The following ADCY2 variants were observed in gnomAD, a reference collection of about 807,000 sequenced individuals.
ADCY2 encodes the protein adenylate cyclase 2.
ADCY2 carries 31 observed loss-of-function variants against 125.2 expected under a neutral mutation model. The ratio of observed to expected loss-of-function variants is 0.25; its 90% CI spans 0.19 to 0.33. The LOEUF is 0.33. Among genes scored for constraint, ADCY2 ranks in the 10% least tolerant of loss-of-function variants. The pLI is 1.00. For synonymous variants in ADCY2, 512 were observed against 548.4 expected, an observed-to-expected ratio of 0.93 and a Z score of 0.93; for missense variants, 904 against 1,418.2, an observed-to-expected ratio of 0.64 and a Z score of 5.82.
intron 3 of ADCY2, among the ~76,000 whole-genome samples, chr5:7,544,673 AC>A (rs1735096239): frequency 6.6e-6 from 1 of 152,014 alleles, no homozygotes; most frequent in African/African-American, 2.4e-5. Context: ...GGCTCAGCTC[AC>A]CCCTGGGGAT....
At chr5:7,690,655 G>A in intron 4 of ADCY2, 36 bp from the exon 5 acceptor site, 1 of 1,495,620 alleles carries the variant, frequency 6.7e-7, no homozygotes, top group Non-Finnish European at 8.9e-7. Flanking sequence ...CGAGGTGTCT[G>A]AGAGACATTT....
intron 3 of ADCY2, among the ~76,000 whole-genome samples, chr5:7,556,712 T>C (rs1231825496): frequency 2.0e-5 from 3 of 152,146 alleles, no homozygotes; most frequent in Non-Finnish European, 2.9e-5. Context: ...CTTTACTGTC[T>C]AAGCTCCGCC....
At chr5:7,414,446 A>C (rs1249968658) in intron 1 of ADCY2, 127 bp from the exon 2 acceptor site, 1 of 792,372 alleles carries the variant, frequency 1.3e-6, no homozygotes, top group Non-Finnish European at 1.9e-6. Flanking sequence ...TTCTACTTTC[A>C]AAACAATTTC....
At chr5:7,601,742 T>G (rs1403501977) in intron 3 of ADCY2, among the ~76,000 whole-genome samples, 1 of 152,168 alleles carries the variant, frequency 6.6e-6, no homozygotes, top group Non-Finnish European at 1.5e-5. Flanking sequence ...ATTCTCTCCT[T>G]CCCATCCTTC....
In ADCY2 at chr5:7,396,313, T is replaced by TGCG; in HGVS notation, c.21_23dup (p.Arg10dup). On this transcript the variant is annotated inframe_insertion, in exon 1 of 25. Coordinates refer to ENST00000338316, the MANE Select transcript of ADCY2 (RefSeq NM_020546.3). The surrounding 1 kb of genome is among the most constrained non-coding windows in gnomAD (Gnocchi z 5.7). ...GCGGCCCCGATGTGGCAGGAGGCGA[T>TGCG]GCGGCGCCGCCGCTACCTGCGGGAC... The TGCG allele has an allele frequency of 1.4e-6, 2 of 1,439,808 alleles. No individual in the cohort carries two copies. The highest frequency in any genetic ancestry group is 1.8e-6 in the Non-Finnish European group (2 of 1,093,314). The allele number at this position is 1,439,808 out of a possible 1,614,324, so 89.2% of individuals were successfully genotyped here.
intron 4 of ADCY2, among the ~76,000 whole-genome samples, chr5:7,638,902 G>A (rs1471118416): frequency 6.6e-6 from 1 of 152,144 alleles, no homozygotes; most frequent in African/African-American, 2.4e-5. Flanking sequence ...CTGAATCATG[G>A]GGGTGGGTCT....
At chr5:7,425,559 A>G (rs967308773) in intron 2 of ADCY2, among the ~76,000 whole-genome samples, 8 of 152,270 alleles carry the variant, frequency 5.3e-5, no homozygotes, top group African/African-American at 1.9e-4. Context: ...TCAGGAAAAA[A>G]TAAATTCAGA....
chr5:7,626,395 GTTCA>G (rs1646740953), intron 4 of ADCY2, 79 bp downstream of exon 4: 6 of 1,483,848 alleles, frequency 4.0e-6, no homozygotes, highest in Non-Finnish European at 5.5e-6. Flanking sequence ...GTTGAGTGTC[GTTCA>G]TTCATTCATG....
intron 18 of ADCY2, among the ~76,000 whole-genome samples, chr5:7,779,649 C>T (rs1051692109): frequency 6.6e-6 from 1 of 152,150 alleles, no homozygotes; most frequent in Admixed American, 6.5e-5. Context: ...TAAGCAGGAG[C>T]CTATTCCTTA....
At chr5:7,500,338 C>T (rs1028920972) in intron 2 of ADCY2, among the ~76,000 whole-genome samples, 7 of 152,108 alleles carry the variant, frequency 4.6e-5, no homozygotes, top group African/African-American at 1.7e-4. Flanking sequence ...AGAGCAGAAC[C>T]GCTCACTCCT....
At chr5:7,736,100 G>A (rs1219034077) in intron 14 of ADCY2, among the ~76,000 whole-genome samples, 1 of 152,116 alleles carries the variant, frequency 6.6e-6, no homozygotes, top group African/African-American at 2.4e-5. Flanking sequence ...AGGCCTATTG[G>A]TCCCAGCTAC....
intron 3 of ADCY2, among the ~76,000 whole-genome samples, chr5:7,615,293 A>G (rs1737716689): frequency 1.3e-5 from 2 of 152,184 alleles, no homozygotes. Flanking sequence ...CATATGTGGT[A>G]AGGAAACTTC....
intron 2 of ADCY2, among the ~76,000 whole-genome samples, chr5:7,420,484 A>T (rs1740157614): frequency 6.6e-6 from 1 of 152,022 alleles, no homozygotes; most frequent in Non-Finnish European, 1.5e-5. Context: ...TGGAGCGAAA[A>T]AGACCCCAAA....
chr5:7,638,531 G>T (rs945537901), intron 4 of ADCY2, among the ~76,000 whole-genome samples: 6 of 152,192 alleles, frequency 3.9e-5, no homozygotes, highest in Non-Finnish European at 7.3e-5. Context: ...CTGGCATGAG[G>T]CATGATGCCA....
intron 3 of ADCY2, among the ~76,000 whole-genome samples, chr5:7,524,991 T>C (rs1442168187): frequency 6.6e-6 from 1 of 151,946 alleles, no homozygotes; most frequent in African/African-American, 2.4e-5. Flanking sequence ...TTAGCATCAC[T>C]ATTTTATTTA....
At chr5:7,585,079 G>A (rs1433486751) in intron 3 of ADCY2, among the ~76,000 whole-genome samples, 1 of 152,170 alleles carries the variant, frequency 6.6e-6, no homozygotes, top group Non-Finnish European at 1.5e-5. Context: ...GTATATAAGA[G>A]GTGGCCAGAT....
intron 14 of ADCY2, among the ~76,000 whole-genome samples, chr5:7,729,941 T>C (rs1742049221): frequency 6.6e-6 from 1 of 151,868 alleles, no homozygotes; most frequent in Admixed American, 6.6e-5. Flanking sequence ...CATGGATGAA[T>C]GTAGAGTGGT....
intron 3 of ADCY2, among the ~76,000 whole-genome samples, chr5:7,568,300 T>G (rs1735967874): frequency 6.6e-6 from 1 of 152,198 alleles, no homozygotes; most frequent in Non-Finnish European, 1.5e-5. Flanking sequence ...CACTCCAGCC[T>G]TTCAGTCTTG....
intron 4 of ADCY2, among the ~76,000 whole-genome samples, chr5:7,680,397 A>T (rs1191712571): frequency 6.6e-6 from 1 of 152,208 alleles, no homozygotes; most frequent in African/African-American, 2.4e-5. Context: ...GTATAGGCAG[A>T]TGTGGTAAAT....
Sources: allele counts gnomAD v4.1 joint callset (sites outside exome capture counted in the v4.1 genomes callset), GRCh38; gene constraint gnomAD v4.1.1; non-coding constraint Gnocchi (gnomAD v3.1); transcripts MANE v1.5; gene names NCBI Gene and HGNC (gene_info 2026-07-23, HGNC 2026-07-21).